The following GRIK4 variants were observed in gnomAD, a reference collection of about 807,000 sequenced individuals.
GRIK4 encodes the protein glutamate ionotropic receptor kainate type subunit 4.
GRIK4 carries 40 observed loss-of-function variants against 104.9 expected under a neutral mutation model. The ratio of observed to expected loss-of-function variants is 0.38; its 90% CI spans 0.30 to 0.50. The LOEUF is 0.50. Ranked by LOEUF, GRIK4 falls within the 20% of genes least tolerant of loss-of-function variation. GRIK4 has a pLI of 0.93. For missense variants in GRIK4, 1,047 were observed against 1,308.1 expected (o/e 0.80, Z 3.08); for synonymous variants, 485 against 524.9 (o/e 0.92, Z 1.04).
At chr11:120,548,155 C>T (rs1290626457) in intron 1 of GRIK4, among the ~76,000 whole-genome samples, 1 of 152,176 alleles carries the variant, frequency 6.6e-6, no homozygotes, top group African/African-American at 2.4e-5. Flanking sequence ...GAGGCCCACG[C>T]TGTCTCCCTT....
At chr11:120,586,353 G>A (rs553700296) in intron 1 of GRIK4, among the ~76,000 whole-genome samples, 193 of 152,184 alleles carry the variant, frequency 1.3e-3, no homozygotes, top group African/African-American at 4.3e-3. Context: ...TAGAGTAGCC[G>A]GGGGAAAGGT....
chr11:120,584,100 A>G lies in GRIK4; in HGVS notation c.-158-69585A>G, dbSNP rs543249374. On this transcript the variant is annotated intron_variant, in intron 1 of 20. Coordinates refer to ENST00000527524, the MANE Select transcript of GRIK4 (RefSeq NM_014619.5). Reference sequence around the variant, plus strand: ...TTTGCTGAAGTTGTTTAACAGCTCTAGGAGCTTTTGAGCAGAGACTGTGGG... The same window carrying G: ...TTTGCTGAAGTTGTTTAACAGCTCTGGGAGCTTTTGAGCAGAGACTGTGGG... Among the ~76,000 whole-genome samples the G allele has an allele frequency of 2.6e-5, 4 of 152,324 alleles. No homozygotes were observed. The South Asian group carries it at 8.3e-4, about 32-fold the overall frequency.
At position 120,780,666 on chromosome 11, in the gene GRIK4, A is replaced by ATGG. The variant is rs1439531378; in HGVS notation, c.83-22025_83-22023dup. ...CCCACAAGTGGTATTGCTACATCAT[A>ATGG]TGGTAATTCTATTTCTAATTTTTTG... On this transcript the variant is annotated intron_variant, in intron 3 of 20. Transcript: ENST00000527524. Among the ~76,000 whole-genome samples the ATGG allele has an allele frequency of 8.5e-5, 13 of 152,282 alleles. No homozygotes were observed. The East Asian group carries it at 2.3e-3, about 27-fold the overall frequency.
intron 1 of GRIK4, among the ~76,000 whole-genome samples, chr11:120,539,871 A>G (rs572351819): frequency 2.0e-5 from 3 of 152,292 alleles, no homozygotes; most frequent in Admixed American, 2.0e-4. Flanking sequence ...TGGCTTTCAA[A>G]GGCCTTTTCA....
rs1423431775 is a variant in GRIK4 at position 120,985,890 on chromosome 11, G to A, written c.2515-14G>A. The A allele has an allele frequency of 1.9e-6, 3 of 1,550,504 alleles. No individual in the cohort carries two copies. The highest frequency in any genetic ancestry group is 2.6e-6 in the Non-Finnish European group (3 of 1,147,032). On this transcript the variant is annotated splice_polypyrimidine_tract_variant and intron_variant, in intron 20 of 20. Coordinates refer to ENST00000527524, the MANE Select transcript of GRIK4 (RefSeq NM_014619.5). ...GGTTGAGAGGCTGGGCCCTGACCTC[G>A]CTGTCTCCTCCAGGTGTCCGTCTGC...
At chr11:120,985,839 G>C in intron 20 of GRIK4, 65 bp from the exon 21 acceptor site, 1 of 1,450,294 alleles carries the variant, frequency 6.9e-7, no homozygotes, top group South Asian at 1.2e-5. Context: ...TCATCCCAGC[G>C]GACTCGCAGG....
Position 120,826,912 on chromosome 11 carries a change from A to C in GRIK4, c.512-4940A>C, listed in dbSNP as rs150424978. Among the ~76,000 whole-genome samples the C allele has an allele frequency of 1.7e-3, 265 of 152,312 alleles. 1 individual carries two copies. The South Asian group carries it at 0.021, about 12-fold the overall frequency. ...TGTCCCTCTGGTGAGGGTTCGCTCC[A>C]TGGAACAGGTCCGACAACCGCACAC... On this transcript the variant is annotated intron_variant, in intron 6 of 20. Coordinates refer to ENST00000527524, the MANE Select transcript of GRIK4 (RefSeq NM_014619.5).
chr11:120,814,098 C>T (rs1415051992), intron 4 of GRIK4, among the ~76,000 whole-genome samples: 1 of 152,214 alleles, frequency 6.6e-6, no homozygotes, highest in Non-Finnish European at 1.5e-5. Context: ...CTGAGCTGGG[C>T]TCCTACTCTC....
intron 13 of GRIK4, among the ~76,000 whole-genome samples, chr11:120,925,743 G>A (rs758815309): frequency 6.4e-4 from 98 of 152,136 alleles, no homozygotes; most frequent in Middle Eastern, 6.8e-3. Context: ...AGACTGAGGC[G>A]GGTGATCACC....
chr11:120,850,796 CATTATTATTATT>C lies in GRIK4; in HGVS notation c.745-11134_745-11123del, dbSNP rs60692595. ...AAATAAAAGGCATTATGGCAAATCA[CATTATTATTATT>C]ATTATTATTATTATTATTATTATTA... On this transcript the variant is annotated intron_variant, in intron 8 of 20. Transcript: ENST00000527524. 5.8e-4 allele frequency among the ~76,000 whole-genome samples: 84 copies of C among 144,812 alleles called. 1 individual carries two copies. Among genetic ancestry groups the C allele is most frequent in the African/African-American group, 1.3e-3 (53 of 39,592 alleles).
intron 4 of GRIK4, among the ~76,000 whole-genome samples, chr11:120,809,292 G>A (rs2135523355): frequency 6.6e-6 from 1 of 152,294 alleles, no homozygotes; most frequent in Middle Eastern, 3.4e-3. Context: ...TTTTATTCCA[G>A]CAGCTGAGCC....
intron 13 of GRIK4, among the ~76,000 whole-genome samples, chr11:120,908,922 A>G (rs955410980): frequency 2.0e-5 from 3 of 152,248 alleles, no homozygotes; most frequent in African/African-American, 7.2e-5. Flanking sequence ...TGATCTAGCA[A>G]GTGGGTGAGA....
intron 1 of GRIK4, among the ~76,000 whole-genome samples, chr11:120,624,513 T>C (rs1220173552): frequency 6.6e-6 from 1 of 152,132 alleles, no homozygotes; most frequent in Non-Finnish European, 1.5e-5. Context: ...CCTAGAGGGC[T>C]GTCCTGCTTG....
chr11:120,603,696 C>A (rs1300662021), intron 1 of GRIK4, among the ~76,000 whole-genome samples: 1 of 152,188 alleles, frequency 6.6e-6, no homozygotes, highest in African/African-American at 2.4e-5. Context: ...CCTTTGCCTT[C>A]AAGCGTCATA....
At chr11:120,830,263 G>T (rs1953387183) in intron 6 of GRIK4, among the ~76,000 whole-genome samples, 1 of 151,860 alleles carries the variant, frequency 6.6e-6, no homozygotes. Flanking sequence ...CGTGTCTCTG[G>T]ACCTTCCCAG....
chr11:120,928,960 CGT>C (rs61452053), intron 13 of GRIK4, among the ~76,000 whole-genome samples: 4,080 of 150,426 alleles, frequency 0.027, 130 homozygotes, highest in African/African-American at 0.077. Flanking sequence ...TTAGCAAAGA[CGT>C]GTGTGTGTGT....
chr11:120,723,598 C>G (rs546332729), intron 3 of GRIK4, among the ~76,000 whole-genome samples: 1 of 152,212 alleles, frequency 6.6e-6, no homozygotes, highest in Admixed American at 6.5e-5. Flanking sequence ...GATTCCAGGC[C>G]TTGGAACCAG....
intron 1 of GRIK4, among the ~76,000 whole-genome samples, chr11:120,641,975 C>T (rs866741001): frequency 5.3e-4 from 80 of 152,288 alleles, no homozygotes; most frequent in African/African-American, 1.8e-3. Flanking sequence ...TGACCACCCC[C>T]GCTTCCCAAG....
chr11:120,748,664 C>T (rs562470475), intron 3 of GRIK4, among the ~76,000 whole-genome samples: 2 of 152,212 alleles, frequency 1.3e-5, no homozygotes, highest in Middle Eastern at 3.2e-3. Flanking sequence ...AATGGCCTCC[C>T]CCTATACCTC....
Sources: gnomAD v4.1 joint callset for allele counts (sites outside exome capture counted in the v4.1 genomes callset) on GRCh38, gnomAD v4.1.1 for gene constraint, MANE v1.5 for transcripts, NCBI Gene and HGNC (gene_info 2026-07-23, HGNC 2026-07-21) for gene names.